Variants in GREM2 observed in about 807,000 individuals in gnomAD.
The protein encoded by GREM2 is gremlin-2.
A neutral mutation model predicts 14.2 loss-of-function variants in GREM2; 11 were observed. That is an observed-to-expected ratio of 0.78 (90% CI 0.49 to 1.28). The LOEUF (loss-of-function observed/expected upper bound fraction) is 1.28. Ranked by LOEUF, GREM2 falls within the 50% of genes most tolerant of loss-of-function variation. The pLI, the probability that GREM2 is intolerant of heterozygous loss-of-function variation, is 0.00. For missense variants in GREM2, 210 were observed against 218.5 expected, an observed-to-expected ratio of 0.96 and a Z score of 0.24; for synonymous variants, 98 against 97.6, an observed-to-expected ratio of 1.00 and a Z score of -0.02.
At chr1:240,521,004 T>G (rs904644681) in intron 1 of GREM2, among the ~76,000 whole-genome samples, 3 of 152,072 alleles carry the variant, frequency 2.0e-5, no homozygotes, top group African/African-American at 4.8e-5. Flanking sequence ...TCCCATCCTC[T>G]GGTTATTTTT....
intron 1 of GREM2, among the ~76,000 whole-genome samples, chr1:240,606,465 T>A (rs1680026104): frequency 6.6e-6 from 1 of 152,178 alleles, no homozygotes; most frequent in Non-Finnish European, 1.5e-5. Context: ...ATCCTGGTTA[T>A]AATACCCAAC....
chr1:240,595,427 A>G (rs1175613432), intron 1 of GREM2, among the ~76,000 whole-genome samples: 3 of 152,026 alleles, frequency 2.0e-5, no homozygotes, highest in African/African-American at 7.2e-5. Flanking sequence ...TCCCCTCCCC[A>G]TGCACCCTTT....
At chr1:240,531,350 G>A (rs1678353797) in intron 1 of GREM2, among the ~76,000 whole-genome samples, 1 of 152,206 alleles carries the variant, frequency 6.6e-6, no homozygotes, top group South Asian at 2.1e-4. Flanking sequence ...TTTTCTGGAA[G>A]ATTACTTAAT....
intron 1 of GREM2, among the ~76,000 whole-genome samples, chr1:240,546,069 G>A (rs533555976): frequency 2.2e-4 from 34 of 151,966 alleles, no homozygotes; most frequent in African/African-American, 7.7e-4. Flanking sequence ...GCACGGTGGC[G>A]CATGCCTGTA....
chr1:240,535,721 C>A (rs963438987), intron 1 of GREM2, among the ~76,000 whole-genome samples: 2 of 151,084 alleles, frequency 1.3e-5, no homozygotes, highest in Non-Finnish European at 1.5e-5. Flanking sequence ...ATTGCTTGAA[C>A]CTGGGAGGTG....
At chr1:240,546,387 T>C (rs982630634) in intron 1 of GREM2, among the ~76,000 whole-genome samples, 2 of 151,668 alleles carry the variant, frequency 1.3e-5, no homozygotes, top group Non-Finnish European at 1.5e-5. Flanking sequence ...CTTATTCATT[T>C]GCATTAACCA....
intron 1 of GREM2, among the ~76,000 whole-genome samples, chr1:240,555,057 A>C (rs189441528): frequency 5.1e-4 from 77 of 152,228 alleles, no homozygotes; most frequent in Middle Eastern, 3.4e-3. Context: ...AGACAAGAGA[A>C]TCACTTGAAC....
intron 1 of GREM2, among the ~76,000 whole-genome samples, chr1:240,582,437 C>T (rs916292014): frequency 3.3e-5 from 5 of 150,412 alleles, no homozygotes; most frequent in African/African-American, 1.2e-4. Flanking sequence ...CTCCATCACA[C>T]ACACACACAA....
intron 1 of GREM2, among the ~76,000 whole-genome samples, chr1:240,607,750 A>G (rs1388472652): frequency 3.6e-4 from 55 of 152,224 alleles, no homozygotes; most frequent in Admixed American, 3.6e-3. Context: ...ACTCCTGTGG[A>G]TCTGAAACTA....
intron 1 of GREM2, among the ~76,000 whole-genome samples, chr1:240,554,647 T>C (rs910609237): frequency 3.3e-5 from 5 of 152,200 alleles, no homozygotes; most frequent in Non-Finnish European, 7.3e-5. Context: ...TTTAAAATTG[T>C]GATTTTTACA....
At chr1:240,555,664 A>G (rs746488973) in intron 1 of GREM2, among the ~76,000 whole-genome samples, 1 of 152,216 alleles carries the variant, frequency 6.6e-6, no homozygotes, top group African/African-American at 2.4e-5. Context: ...CATATTTTGG[A>G]TGTAGATGAT....
chr1:240,571,969 AC>A, intron 1 of GREM2, among the ~76,000 whole-genome samples: 2 of 152,136 alleles, frequency 1.3e-5, no homozygotes, highest in Non-Finnish European at 2.9e-5. Context: ...CCAGCCACCT[AC>A]GTCAGCATGA....
rs1190476413 is a variant in GREM2 at position 240,490,968 on chromosome 1, C to T, written c.*2001G>A. The T allele has an allele frequency of 2.0e-5, 3 of 152,288 alleles. No individual in the cohort carries two copies. The highest frequency in any genetic ancestry group is 2.0e-4 in the Admixed American group (3 of 15,278). The allele number at this position is 152,288 out of a possible 1,614,324, so 9.4% of individuals were successfully genotyped here. ...CACCAAATGCAAAAATCACTCCTGA[C>T]CTTGAACACCCTTCTCTCCATTTTC... is the stretch of plus-strand genomic sequence containing the variant. On this transcript the variant is annotated 3_prime_UTR_variant, in exon 2 of 2. Coordinates refer to ENST00000318160, the MANE Select transcript of GREM2 (RefSeq NM_022469.4).
At chr1:240,538,548 A>T (rs1678523091) in intron 1 of GREM2, among the ~76,000 whole-genome samples, 1 of 150,196 alleles carries the variant, frequency 6.7e-6, no homozygotes, top group Non-Finnish European at 1.5e-5. Context: ...CCAAAAAAAA[A>T]TAATAATAAT....
At position 240,491,956 on chromosome 1, in the gene GREM2, C is replaced by T. The variant is rs568856365; in HGVS notation, c.*1013G>A. ...ATTCAAAGTAAAAATCACGACTCCT[C>T]CCATCTCCCTGCCCAATCTAAAAAT... On this transcript the variant is annotated 3_prime_UTR_variant, in exon 2 of 2. Transcript: ENST00000318160. 4.2e-5 allele frequency: 7 copies of T among 168,102 alleles called. No individual in the cohort carries two copies. The South Asian group carries it at 1.0e-3, about 25-fold the overall frequency. The allele number at this position is 168,102 out of a possible 1,614,324, so 10.4% of individuals were successfully genotyped here.
chr1:240,610,429 A>C (rs188075213), intron 1 of GREM2, among the ~76,000 whole-genome samples: 19 of 152,324 alleles, frequency 1.2e-4, no homozygotes, highest in Non-Finnish European at 2.1e-4. Flanking sequence ...AAAACTATGA[A>C]GTTTTCCTGA....
intron 1 of GREM2, among the ~76,000 whole-genome samples, chr1:240,513,571 T>C (rs562288905): frequency 2.0e-4 from 14 of 71,538 alleles, no homozygotes; most frequent in Admixed American, 1.3e-3. Context: ...TGAGACTCCA[T>C]CTACAAAAAA....
intron 1 of GREM2, among the ~76,000 whole-genome samples, chr1:240,557,852 A>G (rs1484495082): frequency 6.6e-6 from 1 of 152,142 alleles, no homozygotes; most frequent in Non-Finnish European, 1.5e-5. Context: ...ATAAGAGAAC[A>G]GCTAATGTGA....
intron 1 of GREM2, among the ~76,000 whole-genome samples, chr1:240,512,955 T>G (rs1677865967): frequency 6.6e-6 from 1 of 152,196 alleles, no homozygotes; most frequent in African/African-American, 2.4e-5. Context: ...ATGTGCCAGG[T>G]GCAGTGGTGG....
Sources: gnomAD v4.1 joint callset for allele counts (sites outside exome capture counted in the v4.1 genomes callset) on GRCh38, gnomAD v4.1.1 for gene constraint, MANE v1.5 for transcripts, NCBI Gene and HGNC (gene_info 2026-07-23, HGNC 2026-07-21) for gene names.